LUC7L: variants seen among roughly 807,000 people sequenced by gnomAD.
The protein encoded by LUC7L is putative RNA-binding protein Luc7-like 1.
In LUC7L, 29 loss-of-function variants were observed where a neutral mutation model predicts 51.1. The observed-to-expected ratio is 0.57, with a 90% CI of 0.42 to 0.77. The LOEUF (loss-of-function observed/expected upper bound fraction) is 0.77, where lower values mean the gene tolerates loss of function less well. LUC7L is among the 30% of genes least tolerant of loss of function. LUC7L has a pLI of 0.00. For synonymous variants in LUC7L, 181 were observed against 180.7 expected (o/e 1.00, Z -0.01); for missense variants, 403 against 511.9 (o/e 0.79, Z 2.05).
chr16:208,319 T>TA lies in LUC7L; in HGVS notation c.256-132dup, dbSNP rs1356683886. ...GCCTGTACATTCAAGGGAAAGATCT[T>TA]AAACTACACTACCACTAACGCATTC... On this transcript the variant is annotated intron_variant, in intron 3 of 9. Transcript: ENST00000293872. 3 of 648,840 alleles carry TA rather than the reference T, an allele frequency of 4.6e-6. No homozygotes were observed. The East Asian group carries it at 9.1e-5, about 20-fold the overall frequency. The allele number at this position is 648,840 out of a possible 1,614,324, so 40.2% of individuals were successfully genotyped here. A position where few individuals can be genotyped will look rare whatever the true frequency, so the allele number is the denominator to read the frequency against.
rs146951428 is a variant in LUC7L at position 206,716 on chromosome 16, T to C, written c.367-569A>G. Among the ~76,000 whole-genome samples the C allele has an allele frequency of 4.1e-4, 62 of 152,168 alleles. 1 individual carries two copies. Among genetic ancestry groups the C allele is most frequent in the Middle Eastern group, 3.4e-3 (1 of 294 alleles). ...ATATGGATGTACCACAGTTTGACCA[T>C]TTCCTTACCAATTCTTTCCAGTTTT... is the stretch of plus-strand genomic sequence containing the variant. On this transcript the variant is annotated intron_variant, in intron 4 of 9. Transcript: ENST00000293872.
intron 9 of LUC7L, 63 bp from the exon 10 acceptor site, chr16:189,402 C>G (rs928765085): frequency 2.8e-5 from 44 of 1,545,040 alleles, no homozygotes; most frequent in Middle Eastern, 3.8e-4. Context: ...GCCGCTCAGG[C>G]ACTGACGATG....
chr16:200,727 AAAT>A (rs763204511), intron 5 of LUC7L, among the ~76,000 whole-genome samples: 77 of 152,172 alleles, frequency 5.1e-4, no homozygotes, highest in Middle Eastern at 3.4e-3. Context: ...AAAAATAAGA[AAAT>A]AATTAGCCCG....
In LUC7L at chr16:198,923, G is replaced by A. The variant is rs529245468; in HGVS notation, c.687+139C>T. On this transcript the variant is annotated intron_variant, in intron 6 of 9. Coordinates refer to ENST00000293872, the MANE Select transcript of LUC7L (RefSeq NM_201412.3). ...TCGAACTCCTGACCTCAGGTGATTC[G>A]CCCACCTCGGCCTCCCAAAGTGCTG... is the stretch of plus-strand genomic sequence containing the variant. 1.1e-3 allele frequency: 755 copies of A among 688,864 alleles called. 6 individuals are homozygous for A. Among genetic ancestry groups the A allele is most frequent in the African/African-American group, 7.4e-4 (41 of 55,230 alleles). 42.7% of individuals were successfully genotyped at this position (688,864 alleles called of 1,614,324 possible).
Position 192,951 on chromosome 16 carries a change from T to C in LUC7L, c.752A>G (p.Glu251Gly). Residue 251 changes from glutamate (E) to glycine (G), a missense_variant, in exon 7 of 10, where the codon GAA becomes GGA. This residue lies in a region of LUC7L where 206 missense variants were observed against 218.3 expected (regional missense o/e 0.94). Coordinates refer to ENST00000293872, the MANE Select transcript of LUC7L (RefSeq NM_201412.3). ...CCTCCTGCTCAGACGCTCCTCCCGT[T>C]CCCTCTCCTCTCTCCTCCTCAAGCG... The part of the protein sequence containing the change: ...QDRLRRREER[E>G]REERLSRRSG... The C allele has an allele frequency of 6.2e-7, 1 of 1,613,368 alleles. No individual in the cohort carries two copies. The highest frequency in any genetic ancestry group is 8.5e-7 in the Non-Finnish European group (1 of 1,179,994).
intron 2 of LUC7L, among the ~76,000 whole-genome samples, chr16:223,807 C>A (rs979574783): frequency 6.6e-6 from 1 of 151,744 alleles, no homozygotes; most frequent in South Asian, 2.1e-4. Flanking sequence ...ATAGCTGGGA[C>A]TACAGGGGCA....
In LUC7L at chr16:201,840, T is replaced by A. The variant is rs887976765; in HGVS notation, c.511-2602A>T. On this transcript the variant is annotated intron_variant, in intron 5 of 9. Coordinates refer to ENST00000293872, the MANE Select transcript of LUC7L (RefSeq NM_201412.3). ...TTCGCTGCAACCTCCGCCTTCTGGG[T>A]TCAAGCGATTCTCCTACTTCAGCCT... 2.0e-5 allele frequency among the ~76,000 whole-genome samples: 3 copies of A among 149,316 alleles called. No individual in the cohort carries two copies. The Admixed American group carries it at 2.1e-4, about 10-fold the overall frequency.
In LUC7L at chr16:190,600, C is replaced by A. The variant is rs751955099; in HGVS notation, c.777-30G>T. Reference sequence around the variant, plus strand: ...AAGGGGGAAAAAAAGATGAACAAGGCCAGGCATGGTGGCTCACACCTGTAA... The same window carrying A: ...AAGGGGGAAAAAAAGATGAACAAGGACAGGCATGGTGGCTCACACCTGTAA... On this transcript the variant is annotated intron_variant, in intron 7 of 9. Coordinates refer to ENST00000293872, the MANE Select transcript of LUC7L (RefSeq NM_201412.3). The A allele has an allele frequency of 3.7e-5, 59 of 1,610,700 alleles. 1 individual carries two copies. Among genetic ancestry groups the A allele is most frequent in the Non-Finnish European group, 4.6e-5 (54 of 1,178,500 alleles).
chr16:191,821 G>C (rs994102762), intron 7 of LUC7L, among the ~76,000 whole-genome samples: 1 of 152,332 alleles, frequency 6.6e-6, no homozygotes, highest in African/African-American at 2.4e-5. Flanking sequence ...CTCCAGCCTG[G>C]TGACAGAGCG....
chr16:228,749 G>A, intron 1 of LUC7L: 1 of 1,267,012 alleles, frequency 7.9e-7, no homozygotes. Flanking sequence ...TGTGTGCTGG[G>A]GGGAAGGGGG....
intron 2 of LUC7L, among the ~76,000 whole-genome samples, chr16:221,494 G>C (rs1420041906): frequency 1.3e-5 from 2 of 151,970 alleles, no homozygotes; most frequent in African/African-American, 2.4e-5. Flanking sequence ...TTGAGGTCAG[G>C]AGTTCAAGGC....
At chr16:191,943 G>C (rs1198922680) in intron 7 of LUC7L, among the ~76,000 whole-genome samples, 1 of 152,156 alleles carries the variant, frequency 6.6e-6, no homozygotes, top group Non-Finnish European at 1.5e-5. Flanking sequence ...CTGTCTCCAG[G>C]AGGATGTGGA....
At chr16:217,083 C>G (rs2049824127) in intron 3 of LUC7L, among the ~76,000 whole-genome samples, 1 of 151,982 alleles carries the variant, frequency 6.6e-6, no homozygotes, top group East Asian at 1.9e-4. Flanking sequence ...ATGGTGTGAT[C>G]TCAGCACACT....
Position 206,046 on chromosome 16 carries a change from A to G in LUC7L, c.468T>C (p.Leu156=). The change falls in exon 5 of 10, where the codon CTT becomes CTC. Residue 156 remains leucine (L), a synonymous_variant. Coordinates refer to ENST00000293872, the MANE Select transcript of LUC7L (RefSeq NM_201412.3). ...EGNVDESQKI[L]MEVEKVRAKK... is the part of the protein sequence containing the mutation. ...TCGCACGAACTTTTTCCACTTCCATAAGAATCTTCTGGGATTCATCCACAT... is the reference window on the plus strand; with the variant it reads ...TCGCACGAACTTTTTCCACTTCCATGAGAATCTTCTGGGATTCATCCACAT... The G allele has an allele frequency of 6.2e-7, 1 of 1,613,642 alleles. No individual in the cohort carries two copies. The highest frequency in any genetic ancestry group is 1.3e-5 in the African/African-American group (1 of 74,998).
rs34083330 is a variant in LUC7L, at chr16:201,737, C to CTTTT, written c.511-2503_511-2500dup. 1.7e-3 allele frequency among the ~76,000 whole-genome samples: 92 copies of CTTTT among 54,296 alleles called. 2 individuals are homozygous for CTTTT. Among genetic ancestry groups the CTTTT allele is most frequent in the African/African-American group, 7.6e-3 (83 of 10,958 alleles). The allele number at this position is 54,296 out of a possible 152,430, so 35.6% of individuals were successfully genotyped here. A position where few individuals can be genotyped will look rare whatever the true frequency, so the allele number is the denominator to read the frequency against. ...TACAGGCGTGAGCCACCGCACCAGGCTTTTTTTTTTTTTTTTTTTTTTTTG... is the reference window on the plus strand; with the variant it reads ...TACAGGCGTGAGCCACCGCACCAGGCTTTTTTTTTTTTTTTTTTTTTTTTTTTTG... On this transcript the variant is annotated intron_variant, in intron 5 of 9. Transcript: ENST00000293872.
chr16:203,711 G>C (rs539116604), intron 5 of LUC7L, among the ~76,000 whole-genome samples: 3 of 118,490 alleles, frequency 2.5e-5, no homozygotes, highest in Admixed American at 8.4e-5. Flanking sequence ...GTCTCAGGGC[G>C]GGGGGCGGGG....
Position 229,377 on chromosome 16 carries a change from TTC to T in LUC7L, c.-40_-39del, listed in dbSNP as rs560934230. The stretch of plus-strand genomic sequence containing the variant: ...AGGCGACGGGGTCGGCCGCGACGAC[TTC>T]TCTCAGGCAGGCGGTGGCAGCGGCG... On this transcript the variant is annotated 5_prime_UTR_variant, in exon 1 of 10. Coordinates refer to ENST00000293872, the MANE Select transcript of LUC7L (RefSeq NM_201412.3). 7.4e-5 allele frequency: 110 copies of T among 1,481,796 alleles called. No homozygotes were observed. The African/African-American group carries it at 1.4e-3, about 19-fold the overall frequency. 91.8% of individuals were successfully genotyped at this position (1,481,796 alleles called of 1,614,324 possible). A position where few individuals can be genotyped will look rare whatever the true frequency, so the allele number is the denominator to read the frequency against.
chr16:216,381 T>TTTG (rs2049799007), intron 3 of LUC7L, among the ~76,000 whole-genome samples: 2 of 35,494 alleles, frequency 5.6e-5, no homozygotes, highest in African/African-American at 2.6e-4. Context: ...CAAATAGTTG[T>TTTG]TTTTTTTTTT....
chr16:196,100 A>C, intron 6 of LUC7L, among the ~76,000 whole-genome samples: 1 of 151,084 alleles, frequency 6.6e-6, no homozygotes. Flanking sequence ...AAGATTGCAG[A>C]TATTAAAAAA....
Sources: allele counts gnomAD v4.1 joint callset (sites outside exome capture counted in the v4.1 genomes callset), GRCh38; gene constraint gnomAD v4.1.1; regional missense constraint gnomAD v4.1.1; transcripts MANE v1.5; gene names NCBI Gene and HGNC (gene_info 2026-07-23, HGNC 2026-07-21).